The following VWA8 variants were observed in gnomAD, a reference collection of about 807,000 sequenced individuals.
The protein encoded by VWA8 is von Willebrand factor A domain-containing protein 8.
VWA8 carries 221 observed loss-of-function variants against 241.5 expected under a neutral mutation model. The observed-to-expected ratio is 0.91, with a 90% CI of 0.82 to 1.02. VWA8 has a LOEUF of 1.02. Ranked by LOEUF, VWA8 falls within the 50% of genes least tolerant of loss-of-function variation. The pLI, the probability that VWA8 is intolerant of heterozygous loss-of-function variation, is 0.00. For missense variants in VWA8, 2,322 were observed against 2,328.7 expected, an observed-to-expected ratio of 1.00 and a Z score of 0.06; for synonymous variants, 852 against 827.1, an observed-to-expected ratio of 1.03 and a Z score of -0.52.
chr13:41,649,396 A>G (rs2139686607), intron 37 of VWA8, among the ~76,000 whole-genome samples: 1 of 152,310 alleles, frequency 6.6e-6, no homozygotes, highest in Middle Eastern at 3.4e-3. Context: ...GTAATTATTT[A>G]ATGACAAGAA....
chr13:41,571,860 G>A (rs924823116), intron 43 of VWA8, among the ~76,000 whole-genome samples: 10 of 152,066 alleles, frequency 6.6e-5, no homozygotes, highest in Non-Finnish European at 1.3e-4. Flanking sequence ...TCTGGGAAGT[G>A]AGGGGCGCCT....
chr13:41,947,159 C>T (rs1877887299), intron 2 of VWA8, among the ~76,000 whole-genome samples: 1 of 152,232 alleles, frequency 6.6e-6, no homozygotes, highest in Non-Finnish European at 1.5e-5. Context: ...AGTCTTTCTC[C>T]CCCACTGCAA....
intron 4 of VWA8, among the ~76,000 whole-genome samples, chr13:41,898,124 T>C (rs1875217553): frequency 6.6e-6 from 1 of 151,338 alleles, no homozygotes; most frequent in Admixed American, 6.6e-5. Context: ...TGCTGATTGG[T>C]GTGTTTACAA....
intron 15 of VWA8, among the ~76,000 whole-genome samples, chr13:41,817,962 C>A (rs934936164): frequency 6.6e-6 from 1 of 151,408 alleles, no homozygotes; most frequent in East Asian, 1.9e-4. Flanking sequence ...GACTGAGAAG[C>A]GGAATTTTTT....
rs545857455 is a variant in VWA8 at position 41,657,382 on chromosome 13, T to G, written c.4611+13564A>C. On this transcript the variant is annotated intron_variant, in intron 37 of 44. Coordinates refer to ENST00000379310, the MANE Select transcript of VWA8 (RefSeq NM_015058.2). ...AGCTGAATTTTTGTCATATTCTATG[T>G]TCCTAATAAACATCATTTTACATAC... Among the ~76,000 whole-genome samples the G allele has an allele frequency of 3.3e-5, 5 of 152,316 alleles. No individual in the cohort carries two copies. The East Asian group carries it at 7.7e-4, about 23-fold the overall frequency.
Position 41,949,982 on chromosome 13 carries a change from G to C in VWA8, c.195C>G (p.Tyr65Ter). 6.3e-7 allele frequency: 1 copy of C among 1,595,558 alleles called. No individual in the cohort carries two copies. Among genetic ancestry groups the C allele is most frequent in the Non-Finnish European group, 8.6e-7 (1 of 1,168,558 alleles). Residue 65 changes from tyrosine to a stop codon, truncating the protein, a stop_gained, in exon 2 of 45, where the codon TAC becomes TAG. Coordinates refer to ENST00000379310, the MANE Select transcript of VWA8 (RefSeq NM_015058.2). LOFTEE classifies it high-confidence loss of function. ...CTGGATTCTTAGGAATTTTCAACTT[G>C]TAGGATACATCTCCAATATTAACTG... ...GDTVNIGDVS[Y>*]KLKIPKNPEL...
At chr13:41,888,177 G>C (rs2138081128) in intron 5 of VWA8, among the ~76,000 whole-genome samples, 1 of 152,212 alleles carries the variant, frequency 6.6e-6, no homozygotes, top group South Asian at 2.1e-4. Context: ...GTGGCCCAAA[G>C]GAGGCACCTG....
intron 22 of VWA8, 129 bp from the exon 23 acceptor site, chr13:41,729,806 C>T (rs1593725984): frequency 7.0e-6 from 3 of 429,820 alleles, no homozygotes; most frequent in Non-Finnish European, 1.2e-5. Context: ...TAGACACACA[C>T]ACACACACAC....
chr13:41,811,813 ACTTGTGCTGCAG>A (rs1374299547), intron 16 of VWA8, among the ~76,000 whole-genome samples: 7 of 152,200 alleles, frequency 4.6e-5, no homozygotes, highest in Middle Eastern at 3.2e-3. Flanking sequence ...CCAATTTGTC[ACTTGTGCTGCAG>A]CTTGCTGTTT....
chr13:41,795,288 A>T (rs1869640503), intron 17 of VWA8, among the ~76,000 whole-genome samples: 1 of 152,216 alleles, frequency 6.6e-6, no homozygotes, highest in Admixed American at 6.5e-5. Context: ...GTAAAAAGTC[A>T]ATAAACAATA....
At chr13:41,693,294 A>G (rs2045192275) in intron 29 of VWA8, among the ~76,000 whole-genome samples, 1 of 152,010 alleles carries the variant, frequency 6.6e-6, no homozygotes, top group African/African-American at 2.4e-5. Context: ...TAGTTGAACC[A>G]TGATTCTGTT....
chr13:41,728,358 T>C (rs1301314558), intron 23 of VWA8, among the ~76,000 whole-genome samples: 1 of 151,784 alleles, frequency 6.6e-6, no homozygotes, highest in Non-Finnish European at 1.5e-5. Context: ...AAATGAAAAA[T>C]ATAACCCTAC....
intron 2 of VWA8, among the ~76,000 whole-genome samples, chr13:41,948,811 A>G (rs1278357016): frequency 6.6e-6 from 1 of 152,202 alleles, no homozygotes; most frequent in East Asian, 1.9e-4. Context: ...AATGAAAGCC[A>G]TCCAAATGTC....
At chr13:41,626,820 AC>A (rs1249266358) in intron 37 of VWA8, among the ~76,000 whole-genome samples, 6 of 152,214 alleles carry the variant, frequency 3.9e-5, no homozygotes, top group Non-Finnish European at 7.4e-5. Flanking sequence ...AAAACCCTAG[AC>A]AAAAACCTAG....
intron 37 of VWA8, among the ~76,000 whole-genome samples, chr13:41,658,472 G>C (rs535519300): frequency 6.6e-6 from 1 of 152,124 alleles, no homozygotes; most frequent in South Asian, 2.1e-4. Flanking sequence ...CTCTTGTCCC[G>C]TTTCAATTTC....
chr13:41,699,286 G>T lies in VWA8; in HGVS notation c.3365-16C>A, dbSNP rs192499443. ...TGCTCATTTTCTGAAATGACAAAAA[G>T]GTGTTAATTTTGTGGCTGGCAACCA... On this transcript the variant is annotated splice_polypyrimidine_tract_variant and intron_variant, in intron 28 of 44. Transcript: ENST00000379310. 1.1e-3 allele frequency: 1,792 copies of T among 1,613,150 alleles called. 32 individuals carry two copies. In the Admixed American group the frequency reaches 0.029, roughly 26 times the overall value.
At chr13:41,627,276 A>G (rs2044698310) in intron 37 of VWA8, among the ~76,000 whole-genome samples, 2 of 152,166 alleles carry the variant, frequency 1.3e-5, no homozygotes, top group African/African-American at 4.8e-5. Context: ...TTGAGACCCT[A>G]TGCTCAGGCC....
At chr13:41,731,800 G>A (rs1463435422) in intron 22 of VWA8, among the ~76,000 whole-genome samples, 1 of 152,062 alleles carries the variant, frequency 6.6e-6, no homozygotes, top group South Asian at 2.1e-4. Flanking sequence ...ATGGTTTTAC[G>A]AGGGGAAACC....
At chr13:41,579,096 A>C (rs1418505662) in intron 42 of VWA8, among the ~76,000 whole-genome samples, 2 of 152,188 alleles carry the variant, frequency 1.3e-5, no homozygotes, top group Non-Finnish European at 2.9e-5. Context: ...TTTATGTGTA[A>C]ATTTCTATTA....
Sources: gnomAD v4.1 joint callset for allele counts (sites outside exome capture counted in the v4.1 genomes callset) on GRCh38, gnomAD v4.1.1 for gene constraint, MANE v1.5 for transcripts, NCBI Gene and HGNC (gene_info 2026-07-23, HGNC 2026-07-21) for gene names.